The following USP33 variants were observed in gnomAD, a reference collection of about 807,000 sequenced individuals.
USP33 encodes ubiquitin carboxyl-terminal hydrolase 33.
A neutral mutation model predicts 124.2 loss-of-function variants in USP33; 46 were observed. The observed-to-expected ratio is 0.37, with a 90% CI of 0.29 to 0.47. USP33 has a LOEUF of 0.47. Ranked by LOEUF, USP33 falls within the 20% of genes least tolerant of loss-of-function variation. The pLI is 0.99. For missense variants in USP33, 851 were observed against 1,070.6 expected (o/e 0.79, Z 2.86); for synonymous variants, 350 against 352.3 (o/e 0.99, Z 0.07).
intron 1 of USP33, among the ~76,000 whole-genome samples, chr1:77,742,793 T>C (rs1191190398): frequency 6.6e-6 from 1 of 152,166 alleles, no homozygotes; most frequent in African/African-American, 2.4e-5. Context: ...ACACTGTAAA[T>C]TTAATTTCCT....
intron 15 of USP33, among the ~76,000 whole-genome samples, chr1:77,718,920 C>G (rs1676233688): frequency 7.5e-6 from 1 of 133,748 alleles, no homozygotes; most frequent in Non-Finnish European, 1.6e-5. Context: ...GAGTGAGACC[C>G]TGCCTCAAAA....
At chr1:77,754,475 G>A (rs2101619264) in intron 1 of USP33, among the ~76,000 whole-genome samples, 1 of 152,308 alleles carries the variant, frequency 6.6e-6, no homozygotes, top group East Asian at 1.9e-4. Context: ...TCAATCCATA[G>A]TAAGTGCTCA....
Position 77,713,283 on chromosome 1 carries a change from TA to T in USP33, c.2216-3del. On this transcript the variant is annotated splice_region_variant and splice_polypyrimidine_tract_variant and intron_variant, in intron 19 of 23. Transcript: ENST00000370794. ...AACCAGCTTTTCTTGGAGGAACACC[TA>T]AAAAAATATATAAACATATCTGTTT... 8 of 1,559,426 alleles carry T rather than the reference TA, an allele frequency of 5.1e-6. No individual in the cohort carries two copies. The highest frequency in any genetic ancestry group is 2.8e-5 in the African/African-American group (2 of 70,226).
chr1:77,700,524 G>C (rs1255425387), intron 22 of USP33, among the ~76,000 whole-genome samples: 1 of 152,124 alleles, frequency 6.6e-6, no homozygotes, highest in Non-Finnish European at 1.5e-5. Flanking sequence ...TAGGAGGATC[G>C]CATGGGCTGA....
intron 21 of USP33, among the ~76,000 whole-genome samples, chr1:77,702,481 A>G (rs976220153): frequency 6.6e-6 from 1 of 152,188 alleles, no homozygotes; most frequent in African/African-American, 2.4e-5. Flanking sequence ...GATCTTGTAC[A>G]TGTCATTTCA....
intron 1 of USP33, among the ~76,000 whole-genome samples, chr1:77,758,022 C>A (rs1313647307): frequency 3.3e-5 from 5 of 151,916 alleles, no homozygotes; most frequent in South Asian, 2.1e-4. Context: ...AAAAGACTTG[C>A]TTACTGTTAA....
Position 77,729,935 on chromosome 1 carries a change from T to C in USP33, c.642A>G (p.Pro214=), listed in dbSNP as rs149274173. 17 of 1,599,878 alleles carry C rather than the reference T, an allele frequency of 1.1e-5. No individual in the cohort carries two copies. The African/African-American group carries it at 2.0e-4, about 19-fold the overall frequency. ...ACAGAGTAGTAGGCACAACAGATCC[T>C]GGCCTGAGCAAGAAAACATTTTTAA... ...LMTELWHKSR[P]GSVVPTTLFQ... The change falls in exon 9 of 24, where the codon CCA becomes CCG. Residue 214 remains proline, a synonymous_variant. Coordinates refer to ENST00000370794, the MANE Select transcript of USP33 (RefSeq NM_201624.3).
chr1:77,728,700 A>G lies in USP33; in HGVS notation c.730T>C (p.Phe244Leu), dbSNP rs752054780. The G allele has an allele frequency of 3.7e-6, 6 of 1,612,128 alleles. No homozygotes were observed. The highest frequency in any genetic ancestry group is 4.2e-6 in the Non-Finnish European group (5 of 1,179,372). Residue 244 changes from phenylalanine to leucine, a missense_variant, in exon 10 of 24, where the codon TTC becomes CTC. Around this residue, in one of 4 missense-constraint regions of USP33, gnomAD observed 221 missense variants for 302.9 expected, o/e 0.73. Coordinates refer to ENST00000370794, the MANE Select transcript of USP33 (RefSeq NM_201624.3). Reference protein sequence around the residue: ...RGYSQQDAQEFLRCLMDLLHE... With the variant: ...RGYSQQDAQELLRCLMDLLHE... ...AGCAAATCCATTAAACATCGAAGGA[A>G]TTCTTGAGCATCCTAATATATCAGC... is the stretch of plus-strand genomic sequence containing the variant.
intron 9 of USP33, 44 bp downstream of exon 9, chr1:77,729,816 A>G (rs1262105138): frequency 6.3e-7 from 1 of 1,593,778 alleles, no homozygotes; most frequent in Non-Finnish European, 8.6e-7. Flanking sequence ...GCATTTTCCA[A>G]ATTTATTTAG....
intron 15 of USP33, chr1:77,720,194 ACCTTTATTCTT>A: frequency 3.1e-6 from 1 of 324,562 alleles, no homozygotes; most frequent in Non-Finnish European, 4.2e-6. Flanking sequence ...AAAAAAAAAA[ACCTTTATTCTT>A]ACATGTGGAA....
intron 19 of USP33, among the ~76,000 whole-genome samples, chr1:77,713,933 T>C (rs1461289497): frequency 2.0e-5 from 3 of 152,238 alleles, no homozygotes; most frequent in Non-Finnish European, 4.4e-5. Context: ...AAGATGAACA[T>C]ACACCTTAAA....
chr1:77,750,897 G>A (rs1482514248), intron 1 of USP33, among the ~76,000 whole-genome samples: 2 of 152,066 alleles, frequency 1.3e-5, no homozygotes, highest in Non-Finnish European at 2.9e-5. Flanking sequence ...AGATATAGTA[G>A]GGTAAGACAA....
chr1:77,715,365 CCTGA>C (rs992263623), intron 18 of USP33, among the ~76,000 whole-genome samples: 12 of 152,246 alleles, frequency 7.9e-5, no homozygotes, highest in African/African-American at 2.4e-4. Context: ...TGCCACCACA[CCTGA>C]CTAATTTTTG....
chr1:77,758,367 C>T (rs943261515), intron 1 of USP33, among the ~76,000 whole-genome samples: 2 of 151,714 alleles, frequency 1.3e-5, no homozygotes, highest in South Asian at 2.1e-4. Flanking sequence ...ATTTTTAGTA[C>T]AGACGGGGTT....
chr1:77,705,433 G>T (rs1557814068), intron 21 of USP33, among the ~76,000 whole-genome samples: 1 of 152,072 alleles, frequency 6.6e-6, no homozygotes, highest in African/African-American at 2.4e-5. Context: ...GACCTCAAGT[G>T]ATCCGCCTGC....
chr1:77,698,569 C>T (rs1297862430), intron 22 of USP33, among the ~76,000 whole-genome samples: 2 of 147,016 alleles, frequency 1.4e-5, no homozygotes, highest in Non-Finnish European at 3.0e-5. Context: ...GGCATCATCT[C>T]GGCTCACTGC....
chr1:77,703,666 C>G (rs1038455328), intron 21 of USP33, among the ~76,000 whole-genome samples: 2 of 152,148 alleles, frequency 1.3e-5, no homozygotes, highest in African/African-American at 4.8e-5. Flanking sequence ...ACTCCTCCCC[C>G]TCACCAGTGT....
chr1:77,735,122 CA>C (rs11369231), intron 6 of USP33, among the ~76,000 whole-genome samples: 1 of 144,718 alleles, frequency 6.9e-6, no homozygotes, highest in African/African-American at 2.5e-5. Flanking sequence ...GACTCCATCT[CA>C]AAAAAAAAAG....
chr1:77,713,505 G>A (rs374517792), intron 19 of USP33: 43 of 410,122 alleles, frequency 1.0e-4, no homozygotes, highest in African/African-American at 6.1e-4. Context: ...CCACCCCAGC[G>A]TCCTGAGTAG....
Sources: allele counts gnomAD v4.1 joint callset (sites outside exome capture counted in the v4.1 genomes callset), GRCh38; gene constraint gnomAD v4.1.1; regional missense constraint gnomAD v4.1.1; transcripts MANE v1.5; gene names NCBI Gene and HGNC (gene_info 2026-07-23, HGNC 2026-07-21).